Variants in LRRC32 observed in about 807,000 individuals in gnomAD.
LRRC32 encodes the protein transforming growth factor beta activator LRRC32.
In LRRC32, 5 loss-of-function variants were observed where a neutral mutation model predicts 15.0. That is an observed-to-expected ratio of 0.33 (90% CI 0.17 to 0.70). The LOEUF is 0.70. LRRC32 is among the 30% of genes least tolerant of loss of function. LRRC32 has a pLI of 0.66. For missense variants in LRRC32, 803 were observed against 854.2 expected (o/e 0.94, Z 0.75); for synonymous variants, 391 against 403.9 (o/e 0.97, Z 0.38).
chr11:76,662,881 CA>C (rs1952561224), intron 2 of LRRC32: 1 of 152,338 alleles, frequency 6.6e-6, no homozygotes, highest in Non-Finnish European at 1.5e-5. Flanking sequence ...CCCCACCTCC[CA>C]CCCCAGCCCA....
intron 1 of LRRC32, among the ~76,000 whole-genome samples, chr11:76,667,844 C>G (rs1246598299): frequency 6.6e-6 from 1 of 152,264 alleles, no homozygotes; most frequent in Non-Finnish European, 1.5e-5. Flanking sequence ...GTTCCCTGAG[C>G]AGATTTTCAC....
rs1026211555 is a variant in LRRC32 at position 76,660,288 on chromosome 11, G to C, written c.1305C>G (p.Gly435=). The stretch of plus-strand genomic sequence containing the variant: ...AGGTGATGCCGGAGAAGGCCACACA[G>C]CCGGAGGGGCCAGGCTCATCTGGCC... ...CGGPDEPGPS[G]CVAFSGITSL... Residue 435 remains glycine, a synonymous_variant, in exon 3 of 3, where the codon GGC becomes GGG. Transcript: ENST00000260061. The C allele has an allele frequency of 6.3e-7, 1 of 1,583,790 alleles. No individual in the cohort carries two copies. Among genetic ancestry groups the C allele is most frequent in the Non-Finnish European group, 8.6e-7 (1 of 1,167,286 alleles).
chr11:76,661,438 T>C lies in LRRC32; in HGVS notation c.155A>G (p.Glu52Gly). The C allele has an allele frequency of 6.2e-7, 1 of 1,613,978 alleles. No individual in the cohort carries two copies. The highest frequency in any genetic ancestry group is 8.5e-7 in the Non-Finnish European group (1 of 1,179,926). ...QVPSVLPPDTETLDLSGNQLR... is the reference protein window; with the variant it reads ...QVPSVLPPDTGTLDLSGNQLR... ...CTGGTTCCCAGATAGATCAAGGGTC[T>C]CAGTGTCTGGCGGGAGCACCGAGGG... The change falls in exon 3 of 3, where the codon GAG (glutamate) becomes GGG (glycine). Residue 52 changes from glutamate to glycine, a missense_variant. Physicochemically the swap from Glu to Gly is moderately conservative, Grantham distance 98. Transcript: ENST00000260061.
At chr11:76,662,790 C>T (rs1176205361) in intron 2 of LRRC32, 1 of 152,396 alleles carries the variant, frequency 6.6e-6, no homozygotes, top group East Asian at 1.9e-4. Context: ...AATGAGGCAG[C>T]TTGGCTTAAA....
chr11:76,663,082 T>C (rs191719713), intron 2 of LRRC32: 117 of 152,430 alleles, frequency 7.7e-4, no homozygotes, highest in African/African-American at 2.5e-3. Context: ...CCCCGCTGAA[T>C]TGTGGCTGTG....
In LRRC32 at chr11:76,659,832, C is replaced by G. The variant is rs746451153; in HGVS notation, c.1761G>C (p.Gln587His). The G allele has an allele frequency of 1.2e-6, 2 of 1,614,106 alleles. No homozygotes were observed. Among genetic ancestry groups the G allele is most frequent in the Middle Eastern group, 1.7e-4 (1 of 6,044 alleles). Reference sequence around the variant, plus strand: ...GGGTGGCGTCCACGTCCACACGGCCCTGGTGCAGCTGGGCTGCCAGCCAGC... The same window carrying G: ...GGGTGGCGTCCACGTCCACACGGCCGTGGTGCAGCTGGGCTGCCAGCCAGC... ...GNGWLAAQLH[Q>H]GRVDVDATQD... The change falls in exon 3 of 3, where the codon CAG becomes CAC. Residue 587 changes from glutamine to histidine, a missense_variant. By Grantham distance (24) the Gln-to-His change is conservative. Coordinates refer to ENST00000260061, the MANE Select transcript of LRRC32 (RefSeq NM_001128922.2).
Position 76,658,485 on chromosome 11 carries a change from A to T in LRRC32, c.*1119T>A, listed in dbSNP as rs908924878. ...GATGCTTCCAGACCCTGCTCGGGCTATGTGGGGCCACTTCCTGTCCACTTA... is the reference window on the plus strand; with the variant it reads ...GATGCTTCCAGACCCTGCTCGGGCTTTGTGGGGCCACTTCCTGTCCACTTA... On this transcript the variant is annotated 3_prime_UTR_variant, in exon 3 of 3. Transcript: ENST00000260061. 6.6e-6 allele frequency: 1 copy of T among 152,302 alleles called. No individual in the cohort carries two copies. Among genetic ancestry groups the T allele is most frequent in the Non-Finnish European group, 1.5e-5 (1 of 68,138 alleles). The allele number at this position is 152,302 out of a possible 1,614,324, so 9.4% of individuals were successfully genotyped here. A position where few individuals can be genotyped will look rare whatever the true frequency, so the allele number is the denominator to read the frequency against.
intron 1 of LRRC32, 29 bp from the exon 2 acceptor site, chr11:76,665,987 A>G: frequency 1.9e-6 from 3 of 1,603,418 alleles, no homozygotes; most frequent in Non-Finnish European, 1.7e-6. Flanking sequence ...AAAGGGGAAC[A>G]CTGTAAGCCC....
chr11:76,661,521 A>C lies in LRRC32; in HGVS notation c.85-13T>G. ...CCTTCTTGTCCACCTGGGGAGGGGT[A>C]GGGTGGGGAGACAGCTGGCATAAGT... On this transcript the variant is annotated splice_polypyrimidine_tract_variant and intron_variant, in intron 2 of 2. Coordinates refer to ENST00000260061, the MANE Select transcript of LRRC32 (RefSeq NM_001128922.2). 3.3e-6 allele frequency: 4 copies of C among 1,217,054 alleles called. No individual in the cohort carries two copies. Among genetic ancestry groups the C allele is most frequent in the Non-Finnish European group, 3.5e-6 (3 of 858,650 alleles). The allele number at this position is 1,217,054 out of a possible 1,614,324, so 75.4% of individuals were successfully genotyped here.
rs1952696623 is a variant in LRRC32, at chr11:76,670,640, T to G, written c.-31A>C. On this transcript the variant is annotated 5_prime_UTR_variant, in exon 1 of 3. Coordinates refer to ENST00000260061, the MANE Select transcript of LRRC32 (RefSeq NM_001128922.2). ...TGGCTCAGCGCGGCCGCAGCTCCTC[T>G]CCCGGGCAGTCTCGGCACATTTTGC... The G allele has an allele frequency of 6.6e-6, 1 of 151,814 alleles. No individual in the cohort carries two copies. Among genetic ancestry groups the G allele is most frequent in the Non-Finnish European group, 1.5e-5 (1 of 67,970 alleles). The allele number at this position is 151,814 out of a possible 1,614,324, so 9.4% of individuals were successfully genotyped here.
At position 76,660,670 on chromosome 11, in the gene LRRC32, T is replaced by C; in HGVS notation, c.923A>G (p.Asn308Ser). ...SALPLSAPSG[N>S]ASGRPLSQLL... is the part of the protein sequence containing the mutation. ...CTGGGAAAGGGGGCGGCCGCTGGCA[T>C]TCCCGCTGGGGGCTGAGAGGGGCAG... Residue 308 changes from asparagine to serine, a missense_variant, in exon 3 of 3, where the codon AAT becomes AGT. Transcript: ENST00000260061. 6 of 1,614,064 alleles carry C rather than the reference T, an allele frequency of 3.7e-6. No individual in the cohort carries two copies. The highest frequency in any genetic ancestry group is 4.2e-6 in the Non-Finnish European group (5 of 1,179,990).
At chr11:76,669,344 A>AGTGT (rs1952673547) in intron 1 of LRRC32, among the ~76,000 whole-genome samples, 2 of 99,414 alleles carry the variant, frequency 2.0e-5, no homozygotes, top group African/African-American at 9.9e-5. Context: ...AGTGCCAAAG[A>AGTGT]ATGTGTGTGT....
intron 1 of LRRC32, among the ~76,000 whole-genome samples, chr11:76,666,906 C>T (rs1048988684): frequency 5.3e-5 from 8 of 152,194 alleles, no homozygotes; most frequent in Middle Eastern, 3.2e-3. Flanking sequence ...GTGACAGTGA[C>T]GGTGATACAG....
chr11:76,669,321 T>A (rs1209449125), intron 1 of LRRC32, among the ~76,000 whole-genome samples: 1 of 147,922 alleles, frequency 6.8e-6, no homozygotes, highest in Non-Finnish European at 1.5e-5. Context: ...CTCTCAGGAG[T>A]CCAACTCAGA....
Position 76,659,367 on chromosome 11 carries a change from A to G in LRRC32, c.*237T>C, listed in dbSNP as rs957831753. The stretch of plus-strand genomic sequence containing the variant: ...GAAGATTTGTTGATCTGACAGGTCA[A>G]CATTATTCTCGGCTGTCCCTGAAAC... On this transcript the variant is annotated 3_prime_UTR_variant, in exon 3 of 3. Transcript: ENST00000260061. 5.5e-6 allele frequency: 3 copies of G among 543,212 alleles called. No homozygotes were observed. In the African/African-American group the frequency reaches 5.7e-5, roughly 10 times the overall value. 33.6% of individuals were successfully genotyped at this position (543,212 alleles called of 1,614,324 possible).
chr11:76,664,001 G>T (rs575971068), intron 2 of LRRC32: 1 of 152,310 alleles, frequency 6.6e-6, no homozygotes, highest in East Asian at 1.9e-4. Context: ...TGACCACTGG[G>T]CCCTCAGCTG....
At position 76,660,708 on chromosome 11, in the gene LRRC32, C is replaced by T. The variant is rs1198286674; in HGVS notation, c.885G>A (p.Glu295=). 1 of 1,614,042 alleles carries T rather than the reference C, an allele frequency of 6.2e-7. No homozygotes were observed. Among genetic ancestry groups the T allele is most frequent in the Non-Finnish European group, 8.5e-7 (1 of 1,179,994 alleles). Residue 295 remains glutamate (E), a synonymous_variant, in exon 3 of 3, where the codon GAG becomes GAA. Coordinates refer to ENST00000260061, the MANE Select transcript of LRRC32 (RefSeq NM_001128922.2). ...QDSKGIHAPS[E]GWSALPLSAP... is the part of the protein sequence containing the mutation. ...CTGAGAGGGGCAGGGCTGACCAGCC[C>T]TCGGAAGGTGCGTGGATGCCCTTGC...
At position 76,665,932 on chromosome 11, in the gene LRRC32, A is replaced by G. The variant is rs902393711; in HGVS notation, c.23T>C (p.Leu8Pro). ...CAGGCCTAGGGTCAGCAGGGCCAGG[A>G]GCAGCAGGATCTGGGGTCTCATGGC... is the stretch of plus-strand genomic sequence containing the variant. MRPQILL[L>P]LALLTLGLAA... Residue 8 changes from leucine to proline, a missense_variant, in exon 2 of 3, where the codon CTC (leucine) becomes CCC (proline). Transcript: ENST00000260061. The G allele has an allele frequency of 4.3e-6, 7 of 1,613,902 alleles. No individual in the cohort carries two copies. Among genetic ancestry groups the G allele is most frequent in the Admixed American group, 3.3e-5 (2 of 59,988 alleles).
intron 1 of LRRC32, among the ~76,000 whole-genome samples, chr11:76,667,386 G>A (rs543129695): frequency 7.2e-5 from 11 of 152,174 alleles, no homozygotes; most frequent in Non-Finnish European, 1.3e-4. Context: ...GTGCTGAACC[G>A]CGATTCTGAA....
Sources: allele counts gnomAD v4.1 joint callset (sites outside exome capture counted in the v4.1 genomes callset), GRCh38; gene constraint gnomAD v4.1.1; transcripts MANE v1.5; gene names NCBI Gene and HGNC (gene_info 2026-07-23, HGNC 2026-07-21).